The following ARMC8 variants were observed in gnomAD, a reference collection of about 807,000 sequenced individuals.
ARMC8 encodes the protein armadillo repeat containing 8.
ARMC8 carries 20 observed loss-of-function variants against 99.3 expected under a neutral mutation model. The ratio of observed to expected loss-of-function variants is 0.20; its 90% CI spans 0.14 to 0.29. The LOEUF (loss-of-function observed/expected upper bound fraction) is 0.29, where lower values mean the gene tolerates loss of function less well. ARMC8 is among the 10% of genes least tolerant of loss of function. The probability of loss-of-function intolerance (pLI) is 1.00; values close to 1 mark genes in which losing one functional copy is unlikely to be tolerated. For missense variants in ARMC8, 569 were observed against 809.5 expected (o/e 0.70, Z 3.60); for synonymous variants, 263 against 278.3 (o/e 0.95, Z 0.55).
intron 11 of ARMC8, among the ~76,000 whole-genome samples, 183 bp downstream of exon 11, chr3:138,242,166 T>C (rs2046657059): frequency 6.6e-6 from 1 of 152,204 alleles, no homozygotes; most frequent in Admixed American, 6.5e-5. Context: ...TTAATGTTTA[T>C]TGTCAGAAAG....
At chr3:138,228,639 A>G (rs983931322) in intron 5 of ARMC8, 3 of 470,760 alleles carry the variant, frequency 6.4e-6, no homozygotes, top group African/African-American at 4.0e-5. Context: ...TATTGAAATG[A>G]TTTTATCATG....
chr3:138,222,377 GA>G (rs1158456994), intron 3 of ARMC8, among the ~76,000 whole-genome samples: 7 of 152,102 alleles, frequency 4.6e-5, no homozygotes, highest in Admixed American at 2.6e-4. Flanking sequence ...GAATTTAAAG[GA>G]AAAAAACCCT....
intron 1 of ARMC8, among the ~76,000 whole-genome samples, chr3:138,189,785 T>G (rs2043273850): frequency 6.6e-6 from 1 of 152,252 alleles, no homozygotes; most frequent in Non-Finnish European, 1.5e-5. Context: ...ATTGCCAACC[T>G]TGACTTTCTT....
chr3:138,237,859 A>AT (rs1268177609), intron 9 of ARMC8, among the ~76,000 whole-genome samples: 1 of 152,174 alleles, frequency 6.6e-6, no homozygotes, highest in African/African-American at 2.4e-5. Flanking sequence ...AGTTGAAATA[A>AT]TACTGAATTA....
chr3:138,187,580 T>A lies in ARMC8; in HGVS notation c.26T>A (p.Ile9Asn), dbSNP rs753911487. 14 of 1,535,646 alleles carry A rather than the reference T, an allele frequency of 9.1e-6. No individual in the cohort carries two copies. The highest frequency in any genetic ancestry group is 8.3e-5 in the South Asian group (7 of 84,062). ...ATGGCGTGCTTGTTGGAGACCCCAA[T>A]CCGCATGAGCGTCCTTTCGGTGAGT... MACLLETPIRMSVLSEVTA... is the reference protein window; with the variant it reads MACLLETPNRMSVLSEVTA... The change falls in exon 1 of 22, where the codon ATC becomes AAC. Residue 9 changes from isoleucine to asparagine, a missense_variant. Transcript: ENST00000469044.
At chr3:138,233,123 G>C (rs746393462) in intron 6 of ARMC8, among the ~76,000 whole-genome samples, 8 of 152,152 alleles carry the variant, frequency 5.3e-5, no homozygotes, top group Non-Finnish European at 8.8e-5. Flanking sequence ...GGACTCCTTT[G>C]TTTCAAATGA....
chr3:138,238,535 A>C (rs866432674), intron 9 of ARMC8: 1 of 152,214 alleles, frequency 6.6e-6, no homozygotes, highest in Non-Finnish European at 1.5e-5. Flanking sequence ...GGCATTTTCA[A>C]TGAATTACTC....
chr3:138,267,005 A>G (rs1560016843), intron 14 of ARMC8, 150 bp from the exon 15 acceptor site: 1 of 484,624 alleles, frequency 2.1e-6, no homozygotes, highest in Admixed American at 3.9e-5. Flanking sequence ...AAAGTTTGAC[A>G]CAGTATCAAG....
At chr3:138,190,680 A>G (rs765733942) in intron 1 of ARMC8, among the ~76,000 whole-genome samples, 72 of 152,114 alleles carry the variant, frequency 4.7e-4, no homozygotes, top group Non-Finnish European at 5.9e-5. Context: ...ACTCCAGTAA[A>G]TCTTATTCTT....
intron 18 of ARMC8, among the ~76,000 whole-genome samples, 171 bp from the exon 19 acceptor site, chr3:138,284,260 G>A (rs2050196113): frequency 6.6e-6 from 1 of 152,198 alleles, no homozygotes; most frequent in Non-Finnish European, 1.5e-5. Context: ...TTTTGTTTGG[G>A]TGTGGTTACT....
At chr3:138,205,675 C>A (rs780024108) in intron 1 of ARMC8, among the ~76,000 whole-genome samples, 6 of 152,062 alleles carry the variant, frequency 3.9e-5, no homozygotes, top group East Asian at 1.9e-4. Context: ...TTGTGGCTCA[C>A]GCCTGTAATC....
In ARMC8 at chr3:138,245,132, A is replaced by C. The variant is rs1478574823; in HGVS notation, c.1083A>C (p.Ala361=). The change falls in exon 12 of 22, where the codon GCA becomes GCC. Residue 361 remains alanine, a synonymous_variant. Transcript: ENST00000469044. ...LKHAHELRQA[A]FKLYASLGAN... ...ATGCTCACGAACTCCGCCAGGCTGC[A>C]TTCAAGCTCTATGCCTCTCTTGGAG... 1.9e-6 allele frequency: 3 copies of C among 1,614,060 alleles called. No homozygotes were observed. The South Asian group carries it at 3.3e-5, about 18-fold the overall frequency.
In ARMC8 at chr3:138,237,355, A is replaced by C; in HGVS notation, c.656A>C (p.Asn219Thr). 6.2e-7 allele frequency: 1 copy of C among 1,613,318 alleles called. No homozygotes were observed. The highest frequency in any genetic ancestry group is 8.5e-7 in the Non-Finnish European group (1 of 1,179,782). Residue 219 changes from asparagine (N) to threonine (T), a missense_variant, in exon 8 of 22, where the codon AAC becomes ACC. Physicochemically the swap from Asn to Thr is moderately conservative, Grantham distance 65. This residue lies in a region of ARMC8 where 342 missense variants were observed against 391.6 expected (regional missense o/e 0.87). Transcript: ENST00000469044. ...LKCFSVLAFE[N>T]PQVSMTLVNV... The stretch of plus-strand genomic sequence containing the variant: ...TGTTTCTCAGTTTTAGCTTTTGAAA[A>C]CCCCCAGGTATCGATGACCCTGGTA...
At chr3:138,211,319 A>G (rs2044683485) in intron 2 of ARMC8, among the ~76,000 whole-genome samples, 1 of 152,218 alleles carries the variant, frequency 6.6e-6, no homozygotes, top group Admixed American at 6.5e-5. Flanking sequence ...ATGGTATTAA[A>G]AGATGATATC....
Position 138,247,056 on chromosome 3 carries a change from G to C in ARMC8, c.1134+1873G>C, listed in dbSNP as rs148240035. On this transcript the variant is annotated intron_variant, in intron 12 of 21. Coordinates refer to ENST00000469044, the MANE Select transcript of ARMC8 (RefSeq NM_001363941.2). ...AAAATGGAAACTATAAAGTAATTTT[G>C]TGATAAAATCTACTTGAAGACTGGC... Among the ~76,000 whole-genome samples, 4 of 152,194 alleles carry C rather than the reference G, an allele frequency of 2.6e-5. No individual in the cohort carries two copies. The East Asian group carries it at 7.7e-4, about 29-fold the overall frequency.
chr3:138,188,230 C>T, intron 1 of ARMC8: 1 of 474,074 alleles, frequency 2.1e-6, no homozygotes, highest in Non-Finnish European at 3.6e-6. Flanking sequence ...GGTCGCGGCT[C>T]TGAGTCAGAG....
intron 16 of ARMC8, 37 bp downstream of exon 16, chr3:138,270,169 A>G: frequency 7.2e-7 from 1 of 1,395,782 alleles, no homozygotes; most frequent in Non-Finnish European, 1.0e-6. Context: ...AACTTACAAA[A>G]GGAATACAGC....
intron 6 of ARMC8, among the ~76,000 whole-genome samples, chr3:138,232,653 ACT>A (rs2046114672): frequency 6.6e-6 from 1 of 151,592 alleles, no homozygotes; most frequent in African/African-American, 2.4e-5. Context: ...AAATGAGAAA[ACT>A]CTTTTTGTGC....
intron 2 of ARMC8, among the ~76,000 whole-genome samples, chr3:138,219,353 G>T (rs931595750): frequency 2.6e-5 from 4 of 152,182 alleles, no homozygotes; most frequent in African/African-American, 4.8e-5. Context: ...GGTCAGATTG[G>T]CTTTCTTGCC....
Sources: allele counts gnomAD v4.1 joint callset (sites outside exome capture counted in the v4.1 genomes callset), GRCh38; gene constraint gnomAD v4.1.1; regional missense constraint gnomAD v4.1.1; transcripts MANE v1.5; gene names NCBI Gene and HGNC (gene_info 2026-07-23, HGNC 2026-07-21).